The following GABRG3 variants were observed in gnomAD, a reference collection of about 807,000 sequenced individuals.
GABRG3 encodes gamma-aminobutyric acid receptor subunit gamma-3.
GABRG3 carries 25 observed loss-of-function variants against 48.8 expected under a neutral mutation model. The ratio of observed to expected loss-of-function variants is 0.51; its 90% CI spans 0.37 to 0.72. The LOEUF is 0.72. Among genes scored for constraint, GABRG3 ranks in the 30% least tolerant of loss-of-function variants. GABRG3 has a pLI of 0.00. For missense variants in GABRG3, 394 were observed against 577.9 expected (o/e 0.68, Z 3.26); for synonymous variants, 227 against 217.6 (o/e 1.04, Z -0.38).
At position 27,266,205 on chromosome 15, in the gene GABRG3, A is replaced by G. The variant is rs12438867; in HGVS notation, c.271-60604A>G. Among the ~76,000 whole-genome samples the G allele has an allele frequency of 3.8e-3, 572 of 151,500 alleles. 9 individuals carry two copies. The highest frequency in any genetic ancestry group is 0.035 in the Admixed American group (531 of 15,218). On this transcript the variant is annotated intron_variant, in intron 3 of 9. Coordinates refer to ENST00000615808, the MANE Select transcript of GABRG3 (RefSeq NM_033223.5). Reference sequence around the variant, plus strand: ...CTGATTTTTTTTTTCTGGAAGTTTTAGTTTTCAATTTTACATTTACATCAA... The same window carrying G: ...CTGATTTTTTTTTTCTGGAAGTTTTGGTTTTCAATTTTACATTTACATCAA...
At chr15:27,443,502 C>T (rs1888852345) in intron 5 of GABRG3, among the ~76,000 whole-genome samples, 1 of 152,160 alleles carries the variant, frequency 6.6e-6, no homozygotes, top group African/African-American at 2.4e-5. Flanking sequence ...TGCTAATATT[C>T]TGTTTACTGA....
intron 3 of GABRG3, among the ~76,000 whole-genome samples, chr15:27,292,075 A>C (rs1371253430): frequency 6.6e-6 from 1 of 152,144 alleles, no homozygotes; most frequent in Non-Finnish European, 1.5e-5. Context: ...GCTGAGAATG[A>C]TGGTTTCCAG....
intron 3 of GABRG3, among the ~76,000 whole-genome samples, chr15:27,129,172 T>C (rs533049923): frequency 1.3e-5 from 2 of 152,194 alleles, no homozygotes; most frequent in South Asian, 4.1e-4. Flanking sequence ...ATTTTCATCT[T>C]CTAAAACTGA....
chr15:27,077,376 C>T (rs980689706), intron 3 of GABRG3, among the ~76,000 whole-genome samples: 11 of 152,138 alleles, frequency 7.2e-5, no homozygotes, highest in Admixed American at 3.3e-4. Flanking sequence ...AGCCACACAC[C>T]GGCTTGTTAG....
chr15:27,491,288 C>G (rs930995933), intron 6 of GABRG3, among the ~76,000 whole-genome samples: 4 of 152,224 alleles, frequency 2.6e-5, no homozygotes, highest in Admixed American at 6.5e-5. Flanking sequence ...ATTCAGTCAA[C>G]CTACTTACTC....
chr15:27,112,797 A>G (rs1897576922), intron 3 of GABRG3, among the ~76,000 whole-genome samples: 1 of 152,156 alleles, frequency 6.6e-6, no homozygotes, highest in Admixed American at 6.5e-5. Flanking sequence ...TTGTGTGGAC[A>G]CCCTATCAAT....
chr15:27,029,642 TC>T, intron 3 of GABRG3, among the ~76,000 whole-genome samples: 1 of 152,304 alleles, frequency 6.6e-6, no homozygotes, highest in East Asian at 1.9e-4. Flanking sequence ...ACATTTGCCA[TC>T]CGACTAGTGT....
chr15:27,015,722 C>T (rs1341070455), intron 2 of GABRG3, among the ~76,000 whole-genome samples: 4 of 151,960 alleles, frequency 2.6e-5, no homozygotes, highest in Admixed American at 1.3e-4. Context: ...CTTTGATTCC[C>T]TTTTGATTTT....
At chr15:27,097,007 T>TA (rs1491166399) in intron 3 of GABRG3, among the ~76,000 whole-genome samples, 1 of 35,504 alleles carries the variant, frequency 2.8e-5, no homozygotes, top group East Asian at 8.7e-4. Flanking sequence ...TACCCGGCTA[T>TA]TTTTTTTTTT....
intron 3 of GABRG3, among the ~76,000 whole-genome samples, chr15:27,264,000 C>T (rs866596406): frequency 2.6e-4 from 39 of 151,558 alleles, no homozygotes; most frequent in African/African-American, 9.2e-4. Context: ...AGAACATATA[C>T]CGGGGAGACG....
chr15:27,325,406 T>C (rs1893579423), intron 3 of GABRG3, among the ~76,000 whole-genome samples: 2 of 152,176 alleles, frequency 1.3e-5, no homozygotes, highest in South Asian at 4.1e-4. Flanking sequence ...CATGAGAGGC[T>C]TCTGGAAAAG....
chr15:27,460,859 G>T (rs919927786), intron 5 of GABRG3, among the ~76,000 whole-genome samples: 7 of 152,076 alleles, frequency 4.6e-5, no homozygotes, highest in African/African-American at 1.7e-4. Context: ...ATTTGGTGGG[G>T]GTCCAGGTTC....
chr15:26,980,551 C>T (rs1011539097), intron 2 of GABRG3, among the ~76,000 whole-genome samples: 3 of 151,702 alleles, frequency 2.0e-5, no homozygotes, highest in Non-Finnish European at 2.9e-5. Flanking sequence ...TGGTGGCGGG[C>T]GCCTGTAATC....
At chr15:27,105,448 A>G (rs1897433028) in intron 3 of GABRG3, among the ~76,000 whole-genome samples, 1 of 152,200 alleles carries the variant, frequency 6.6e-6, no homozygotes. Flanking sequence ...CAACAGCAAA[A>G]TACACATTTT....
At chr15:27,221,845 A>T (rs1390515062) in intron 3 of GABRG3, among the ~76,000 whole-genome samples, 3 of 152,242 alleles carry the variant, frequency 2.0e-5, no homozygotes, top group Non-Finnish European at 4.4e-5. Context: ...GCAAATAAAG[A>T]TGATGAAGAT....
intron 3 of GABRG3, among the ~76,000 whole-genome samples, chr15:27,066,450 T>C (rs542790167): frequency 2.0e-5 from 3 of 152,272 alleles, no homozygotes; most frequent in African/African-American, 7.2e-5. Flanking sequence ...TTAGAAACAA[T>C]TGGGACTGCT....
At position 27,145,610 on chromosome 15, in the gene GABRG3, T is replaced by TATCTATCTATCTATCTATC. The variant is rs1555405996; in HGVS notation, c.270+118790_270+118808dup. ...ATATATACATATATCTATCTCTATC[T>TATCTATCTATCTATCTATC]ATCTATCTATCTATCTATCTATCTA... On this transcript the variant is annotated intron_variant, in intron 3 of 9. Transcript: ENST00000615808. Among the ~76,000 whole-genome samples the TATCTATCTATCTATCTATC allele has an allele frequency of 1.6e-3, 212 of 135,222 alleles. 1 individual carries two copies. The highest frequency in any genetic ancestry group is 7.6e-3 in the Middle Eastern group (2 of 264). 88.7% of individuals were successfully genotyped at this position (135,222 alleles called of 152,430 possible). A position where few individuals can be genotyped will look rare whatever the true frequency, so the allele number is the denominator to read the frequency against.
intron 5 of GABRG3, among the ~76,000 whole-genome samples, chr15:27,333,904 G>A (rs1187699852): frequency 6.6e-6 from 1 of 152,106 alleles, no homozygotes; most frequent in Non-Finnish European, 1.5e-5. Context: ...TAAATAAAAA[G>A]GCAAAATACA....
intron 3 of GABRG3, among the ~76,000 whole-genome samples, chr15:27,222,464 A>G (rs1889483817): frequency 6.6e-6 from 1 of 152,222 alleles, no homozygotes; most frequent in Non-Finnish European, 1.5e-5. Flanking sequence ...CAAAAGATCC[A>G]CAAGCAAACT....
Sources: allele counts gnomAD v4.1 joint callset (sites outside exome capture counted in the v4.1 genomes callset), GRCh38; gene constraint gnomAD v4.1.1; transcripts MANE v1.5; gene names NCBI Gene and HGNC (gene_info 2026-07-23, HGNC 2026-07-21).